The following ADGRL1 variants were observed in gnomAD, a reference collection of about 807,000 sequenced individuals.
The protein encoded by ADGRL1 is CIRL-1.
A neutral mutation model predicts 148.9 loss-of-function variants in ADGRL1; 31 were observed. The ratio of observed to expected loss-of-function variants is 0.21; its 90% CI spans 0.16 to 0.28. ADGRL1 has a LOEUF of 0.28. Ranked by LOEUF, ADGRL1 falls within the 10% of genes least tolerant of loss-of-function variation. The pLI, the probability that ADGRL1 is intolerant of heterozygous loss-of-function variation, is 1.00. For synonymous variants in ADGRL1, 937 were observed against 900.3 expected, an observed-to-expected ratio of 1.04 and a Z score of -0.73; for missense variants, 1,521 against 2,058.8, an observed-to-expected ratio of 0.74 and a Z score of 5.05.
At chr19:14,158,596 G>T (rs1286677976) in intron 11 of ADGRL1, 44 bp from the exon 12 acceptor site, 6 of 1,516,598 alleles carry the variant, frequency 4.0e-6, no homozygotes, top group Non-Finnish European at 3.6e-6. Flanking sequence ...ATCCTCAGCT[G>T]GCGCACCTCC....
chr19:14,200,777 A>G (rs1272174533), intron 1 of ADGRL1, among the ~76,000 whole-genome samples: 1 of 151,606 alleles, frequency 6.6e-6, no homozygotes, highest in African/African-American at 2.4e-5. Context: ...ATGCCCAACT[A>G]ATTTTTAAAT....
intron 1 of ADGRL1, among the ~76,000 whole-genome samples, chr19:14,204,233 T>A (rs1309968514): frequency 6.6e-6 from 1 of 152,114 alleles, no homozygotes; most frequent in Non-Finnish European, 1.5e-5. Context: ...CCTGTTTTCA[T>A]CCTACTTTTA....
chr19:14,154,715 T>G (rs1197964933), intron 18 of ADGRL1, among the ~76,000 whole-genome samples: 1 of 152,114 alleles, frequency 6.6e-6, no homozygotes, highest in Admixed American at 6.5e-5. Flanking sequence ...CAAGCAATTC[T>G]CCTGCCTCAG....
Position 14,177,634 on chromosome 19 carries a change from C to T in ADGRL1, c.181G>A (p.Ala61Thr). The T allele has an allele frequency of 6.2e-7, 1 of 1,614,230 alleles. No individual in the cohort carries two copies. Among genetic ancestry groups the T allele is most frequent in the Non-Finnish European group, 8.5e-7 (1 of 1,180,050 alleles). The change falls in exon 3 of 23, where the codon GCC (alanine) becomes ACC (threonine). Residue 61 changes from alanine to threonine, a missense_variant. Physicochemically the swap from Ala to Thr is moderately conservative, Grantham distance 58. Transcript: ENST00000361434. ...TTGTCGTCCGTGCGCCCGTAGTTGG[C>T]ATTCTCCACCATGATGACGTCGCTG... The part of the protein sequence containing the change: ...PGSDVIMVEN[A>T]NYGRTDDKIC...
intron 1 of ADGRL1, among the ~76,000 whole-genome samples, chr19:14,193,469 C>T (rs1404353207): frequency 6.6e-6 from 1 of 151,936 alleles, no homozygotes; most frequent in African/African-American, 2.4e-5. Flanking sequence ...TGCCTATAGT[C>T]CCAGCTACTG....
chr19:14,155,594 C>G lies in ADGRL1; in HGVS notation c.3126-67G>C. ...GGGACGGCCTCAGCCCAGGCCTCCC[C>G]TGCAGCCTACAACGGGGGCCCTTGG... is the stretch of plus-strand genomic sequence containing the variant. On this transcript the variant is annotated intron_variant, in intron 17 of 22. Coordinates refer to ENST00000361434, the MANE Select transcript of ADGRL1 (RefSeq NM_014921.5). The surrounding 1 kb of genome is among the most constrained non-coding windows in gnomAD (Gnocchi z 5.0). 1 of 1,549,602 alleles carries G rather than the reference C, an allele frequency of 6.5e-7. No homozygotes were observed.
intron 2 of ADGRL1, among the ~76,000 whole-genome samples, chr19:14,179,232 C>T (rs1372386237): frequency 1.3e-5 from 2 of 151,864 alleles, no homozygotes; most frequent in South Asian, 2.1e-4. Flanking sequence ...CGGTGGCTCA[C>T]GCCTATAATC....
intron 1 of ADGRL1, among the ~76,000 whole-genome samples, chr19:14,196,844 G>A (rs1236348435): frequency 9.9e-5 from 15 of 152,014 alleles, no homozygotes; most frequent in Non-Finnish European, 1.8e-4. Flanking sequence ...TCACCAGCAC[G>A]CCATGCATTT....
In ADGRL1 at chr19:14,161,068, G is replaced by A. The variant is rs898076210; in HGVS notation, c.1510+244C>T. On this transcript the variant is annotated intron_variant, in intron 6 of 22. Transcript: ENST00000361434. This position sits in a 1 kb window ranked among gnomAD's most constrained non-coding sequence, Gnocchi z 4.4. The stretch of plus-strand genomic sequence containing the variant: ...TGTGAAGCTGACTGTGCCTGGGGCT[G>A]TGGCAGGTCAGCCTGAGGCCGGGAG... Among the ~76,000 whole-genome samples, 8 of 152,218 alleles carry A rather than the reference G, an allele frequency of 5.3e-5. No homozygotes were observed. Among genetic ancestry groups the A allele is most frequent in the African/African-American group, 1.7e-4 (7 of 41,454 alleles).
intron 1 of ADGRL1, among the ~76,000 whole-genome samples, chr19:14,193,432 C>T (rs56044494): frequency 0.17 from 26,127 of 151,742 alleles, 2,680 homozygotes; most frequent in East Asian, 0.39. Context: ...ACAAAAAACA[C>T]AAAAATTAGC....
At chr19:14,189,932 AATT>A (rs1307755588) in intron 1 of ADGRL1, among the ~76,000 whole-genome samples, 3 of 152,056 alleles carry the variant, frequency 2.0e-5, no homozygotes, top group African/African-American at 7.2e-5. Flanking sequence ...ATGCTATAAT[AATT>A]ATTATTATTT....
chr19:14,170,640 G>A (rs1970389035), intron 4 of ADGRL1, 42 bp downstream of exon 4: 1 of 1,243,414 alleles, frequency 8.0e-7, no homozygotes, highest in African/African-American at 1.5e-5. Flanking sequence ...ACTCACTCAT[G>A]CGAGAAGGGC....
chr19:14,156,576 G>T, intron 16 of ADGRL1, 82 bp downstream of exon 16: 1 of 889,894 alleles, frequency 1.1e-6, no homozygotes, highest in Non-Finnish European at 1.7e-6. Context: ...TGGGGGGGGT[G>T]GGGGGCGGGG....
rs1260485830 is a variant in ADGRL1, at chr19:14,159,431, C to T, written c.1993G>A (p.Ala665Thr). The stretch of plus-strand genomic sequence containing the variant: ...TTCTCCTTGGCAGCCAGGAAGCGGG[C>T]AGGCTCCCTGACATTGTCGGCCAGC... The part of the protein sequence containing the change: ...FLLADNVREP[A>T]RFLAAKENVV... The change falls in exon 10 of 23, where the codon GCC becomes ACC. Residue 665 changes from alanine (A) to threonine (T), a missense_variant. Around this residue, in one of 8 missense-constraint regions of ADGRL1, gnomAD observed 265 missense variants for 431.9 expected, o/e 0.61. Transcript: ENST00000361434. This position sits in a 1 kb window ranked among gnomAD's most constrained non-coding sequence, Gnocchi z 6.0. The T allele has an allele frequency of 3.1e-6, 5 of 1,611,840 alleles. No homozygotes were observed. Among genetic ancestry groups the T allele is most frequent in the African/African-American group, 2.7e-5 (2 of 74,918 alleles).
chr19:14,198,121 G>C (rs1424858969), intron 1 of ADGRL1, among the ~76,000 whole-genome samples: 1 of 152,112 alleles, frequency 6.6e-6, no homozygotes, highest in Non-Finnish European at 1.5e-5. Flanking sequence ...CTGAGATGTG[G>C]CTGGGGCCCT....
At chr19:14,189,870 G>C (rs999548902) in intron 1 of ADGRL1, among the ~76,000 whole-genome samples, 4 of 152,224 alleles carry the variant, frequency 2.6e-5, no homozygotes, top group African/African-American at 9.6e-5. Flanking sequence ...TTTCTGGTGT[G>C]TGTGGTGAGA....
rs565863846 is a variant in ADGRL1 at position 14,160,302 on chromosome 19, A to G, written c.1615-5T>C. On this transcript the variant is annotated splice_polypyrimidine_tract_variant and splice_region_variant and intron_variant, in intron 7 of 22. Transcript: ENST00000361434. This position sits in a 1 kb window ranked among gnomAD's most constrained non-coding sequence, Gnocchi z 5.9. Reference sequence around the variant, plus strand: ...CGCGTTCTCCCCACTCTTGATCTGCATGAGGTGGGGGCGGGAAGGGGGAAT... The same window carrying G: ...CGCGTTCTCCCCACTCTTGATCTGCGTGAGGTGGGGGCGGGAAGGGGGAAT... 3.2e-6 allele frequency: 5 copies of G among 1,585,464 alleles called. No individual in the cohort carries two copies. In the African/African-American group the frequency reaches 5.4e-5, roughly 17 times the overall value.
chr19:14,171,629 T>C (rs947197938), intron 3 of ADGRL1, among the ~76,000 whole-genome samples: 2 of 152,210 alleles, frequency 1.3e-5, no homozygotes, highest in African/African-American at 4.8e-5. Context: ...ATGTTCAGTG[T>C]CCAGCTGTGT....
intron 18 of ADGRL1, among the ~76,000 whole-genome samples, chr19:14,154,918 G>C (rs572503571): frequency 6.6e-6 from 1 of 152,256 alleles, no homozygotes; most frequent in East Asian, 1.9e-4. Flanking sequence ...TGTCCGGACT[G>C]TATGTTTTTT....
Sources: gnomAD v4.1 joint callset for allele counts (sites outside exome capture counted in the v4.1 genomes callset) on GRCh38, gnomAD v4.1.1 for gene constraint, gnomAD v4.1.1 regional missense constraint, Gnocchi (gnomAD v3.1) non-coding constraint, MANE v1.5 for transcripts, NCBI Gene and HGNC (gene_info 2026-07-23, HGNC 2026-07-21) for gene names.